The following RBFOX1 variants were observed in gnomAD, a reference collection of about 807,000 sequenced individuals.
The protein encoded by RBFOX1 is RNA binding protein fox-1 homolog 1.
RBFOX1 carries 8 observed loss-of-function variants against 57.7 expected under a neutral mutation model. The observed-to-expected ratio is 0.14, with a 90% confidence interval of 0.08 to 0.25. RBFOX1 has a LOEUF of 0.25. Ranked by LOEUF, RBFOX1 falls within the 10% of genes least tolerant of loss-of-function variation. The pLI, the probability that RBFOX1 is intolerant of heterozygous loss-of-function variation, is 1.00. For synonymous variants in RBFOX1, 326 were observed against 222.4 expected, an observed-to-expected ratio of 1.47 and a Z score of -4.15; for missense variants, 611 against 548.5, an observed-to-expected ratio of 1.11 and a Z score of -1.14.
At chr16:7,190,384 A>G (rs933018037) in intron 4 of RBFOX1, among the ~76,000 whole-genome samples, 1 of 152,198 alleles carries the variant, frequency 6.6e-6, no homozygotes, top group Non-Finnish European at 1.5e-5. Flanking sequence ...ATAATATAAA[A>G]TAAAAAATAA....
rs565604144 is a variant in RBFOX1, at chr16:7,612,139, A to G, written c.676+4801A>G. Among the ~76,000 whole-genome samples the G allele has an allele frequency of 2.6e-4, 40 of 151,766 alleles. No homozygotes were observed. In the East Asian group the frequency reaches 7.4e-3, roughly 28 times the overall value. Reference sequence around the variant, plus strand: ...GATTGAGACCATCCTGGCTAACACGATGAAACCCCGTCTCTACTAAAAATA... The same window carrying G: ...GATTGAGACCATCCTGGCTAACACGGTGAAACCCCGTCTCTACTAAAAATA... On this transcript the variant is annotated intron_variant, in intron 10 of 15. Transcript: ENST00000550418.
chr16:7,052,520 G>A (rs1042436788), intron 4 of RBFOX1, among the ~76,000 whole-genome samples: 2 of 152,170 alleles, frequency 1.3e-5, no homozygotes, highest in African/African-American at 4.8e-5. Flanking sequence ...AATATGTCAA[G>A]GGCGTTTTCT....
intron 2 of RBFOX1, among the ~76,000 whole-genome samples, chr16:6,554,257 G>A (rs894421272): frequency 2.6e-5 from 4 of 152,108 alleles, no homozygotes; most frequent in Admixed American, 2.6e-4. Context: ...GGGCAGGAAG[G>A]CAAAAGGAAA....
chr16:6,665,008 T>C (rs887065932), intron 3 of RBFOX1, among the ~76,000 whole-genome samples: 2 of 152,176 alleles, frequency 1.3e-5, no homozygotes, highest in Non-Finnish European at 2.9e-5. Flanking sequence ...CATTTTCAAT[T>C]GTCATAGAAA....
chr16:6,613,832 G>A (rs1163644672), intron 2 of RBFOX1, among the ~76,000 whole-genome samples: 1 of 152,188 alleles, frequency 6.6e-6, no homozygotes, highest in Non-Finnish European at 1.5e-5. Context: ...CAGCTACCTG[G>A]GAGGCTGAGG....
intron 4 of RBFOX1, among the ~76,000 whole-genome samples, chr16:7,239,992 A>G (rs1375363477): frequency 6.6e-6 from 1 of 152,154 alleles, no homozygotes; most frequent in Non-Finnish European, 1.5e-5. Flanking sequence ...TTTGAGACTG[A>G]GCCTAGCTCT....
At chr16:7,241,198 T>A (rs1392130422) in intron 4 of RBFOX1, among the ~76,000 whole-genome samples, 1 of 152,202 alleles carries the variant, frequency 6.6e-6, no homozygotes, top group Non-Finnish European at 1.5e-5. Context: ...CTGAAATGTA[T>A]TGCCCCACCT....
chr16:5,691,323 G>C (rs1315605652), intron 3 of RBFOX1, among the ~76,000 whole-genome samples: 1 of 152,202 alleles, frequency 6.6e-6, no homozygotes, highest in Non-Finnish European at 1.5e-5. Flanking sequence ...GAAGCTGGTA[G>C]TCTCTGCCTG....
intron 4 of RBFOX1, among the ~76,000 whole-genome samples, chr16:7,503,618 C>A (rs1373026216): frequency 6.6e-6 from 1 of 152,068 alleles, no homozygotes; most frequent in Admixed American, 6.6e-5. Flanking sequence ...AAGAACTTTT[C>A]CCCCTTTAGA....
chr16:5,710,840 T>G (rs1466219485), intron 3 of RBFOX1, among the ~76,000 whole-genome samples: 1 of 152,250 alleles, frequency 6.6e-6, no homozygotes, highest in Non-Finnish European at 1.5e-5. Context: ...AGAGCTGTTG[T>G]GGCTCTGCAA....
At chr16:6,773,215 A>T (rs1279580592) in intron 3 of RBFOX1, among the ~76,000 whole-genome samples, 3 of 38,464 alleles carry the variant, frequency 7.8e-5, no homozygotes, top group South Asian at 8.9e-4. Flanking sequence ...GTGTGAGTGT[A>T]TGTGTGGGTG....
At chr16:5,773,200 C>T (rs905264087) in intron 3 of RBFOX1, among the ~76,000 whole-genome samples, 2 of 152,084 alleles carry the variant, frequency 1.3e-5, no homozygotes, top group South Asian at 2.1e-4. Context: ...AGTATAGAAG[C>T]AGGGTGGCTA....
At chr16:6,259,182 G>A (rs950940808) in intron 1 of RBFOX1, among the ~76,000 whole-genome samples, 1 of 152,142 alleles carries the variant, frequency 6.6e-6, no homozygotes, top group African/African-American at 2.4e-5. Flanking sequence ...GCCTAGCTTA[G>A]AAGATCACCC....
chr16:6,574,447 G>A (rs78899464), intron 2 of RBFOX1, among the ~76,000 whole-genome samples: 1 of 21,070 alleles, frequency 4.7e-5, no homozygotes, highest in East Asian at 2.4e-3. Context: ...TTTTTTTTTT[G>A]AGACTGAGTC....
At chr16:7,262,488 A>C (rs151127689) in intron 4 of RBFOX1, among the ~76,000 whole-genome samples, 130 of 152,390 alleles carry the variant, frequency 8.5e-4, no homozygotes, top group African/African-American at 3.0e-3. Flanking sequence ...ATTAAAATTT[A>C]GGAGATCAGA....
chr16:6,991,434 G>A (rs920452648), intron 3 of RBFOX1, among the ~76,000 whole-genome samples: 4 of 152,162 alleles, frequency 2.6e-5, no homozygotes, highest in Non-Finnish European at 5.9e-5. Context: ...TATCCCATAG[G>A]GGAACTGACA....
Position 5,343,491 on chromosome 16 carries a change from T to TTG in RBFOX1, c.219+103390_219+103391dup, listed in dbSNP as rs201139088. On this transcript the variant is annotated intron_variant, in intron 1 of 2. Transcript: ENST00000585867. ...CACCACACCAGGCTAATTTTTTTTT[T>TTG]TGTGTATTTTTAGTAGAGAGGGGGT... is the stretch of plus-strand genomic sequence containing the variant. Among the ~76,000 whole-genome samples the TTG allele has an allele frequency of 5.8e-4, 87 of 150,716 alleles. No homozygotes were observed. The East Asian group carries it at 8.4e-3, about 15-fold the overall frequency.
At position 7,062,892 on chromosome 16, in the gene RBFOX1, C is replaced by CTTTTTTTTTTTTTTTTTTTT. The variant is rs1491558284; in HGVS notation, c.27+10794_27+10795insTTTTTTTTTTTTTTTTTTTT. The stretch of plus-strand genomic sequence containing the variant: ...TACCTCATCTCATTCAAATGATCGC[C>CTTTTTTTTTTTTTTTTTTTT]ATTTTTTTTTTTTTTTTTTTTTTTT... On this transcript the variant is annotated intron_variant, in intron 4 of 15. Transcript: ENST00000550418. 1.3e-4 allele frequency among the ~76,000 whole-genome samples: 8 copies of CTTTTTTTTTTTTTTTTTTTT among 59,932 alleles called. 4 individuals are homozygous for CTTTTTTTTTTTTTTTTTTTT. Among genetic ancestry groups the CTTTTTTTTTTTTTTTTTTTT allele is most frequent in the African/African-American group, 1.1e-4 (2 of 18,506 alleles). 39.3% of individuals were successfully genotyped at this position (59,932 alleles called of 152,430 possible). A position where few individuals can be genotyped will look rare whatever the true frequency, so the allele number is the denominator to read the frequency against.
intron 2 of RBFOX1, among the ~76,000 whole-genome samples, chr16:6,495,897 GT>G (rs1398509413): frequency 2.0e-5 from 3 of 152,184 alleles, no homozygotes; most frequent in Admixed American, 2.0e-4. Context: ...ACAGAATATT[GT>G]TTGGCTGCTT....
Sources: gnomAD v4.1 joint callset for allele counts (sites outside exome capture counted in the v4.1 genomes callset) on GRCh38, gnomAD v4.1.1 for gene constraint, MANE v1.5 for transcripts, NCBI Gene and HGNC (gene_info 2026-07-23, HGNC 2026-07-21) for gene names.